The following COL25A1 variants were observed in gnomAD, a reference collection of about 807,000 sequenced individuals.
The protein encoded by COL25A1 is collagen alpha-1(XXV) chain.
Under a neutral mutation model 128.4 loss-of-function variants are expected in COL25A1, and 103 were observed. The observed-to-expected ratio is 0.80, with a 90% CI of 0.68 to 0.94. The LOEUF (loss-of-function observed/expected upper bound fraction) is 0.94. Ranked by LOEUF, COL25A1 falls within the 40% of genes least tolerant of loss-of-function variation. COL25A1 has a pLI of 0.00. For missense variants in COL25A1, 745 were observed against 840.0 expected, an observed-to-expected ratio of 0.89 and a Z score of 1.40; for synonymous variants, 279 against 277.2, an observed-to-expected ratio of 1.01 and a Z score of -0.06.
chr4:109,004,347 A>C (rs1755758497), intron 6 of COL25A1, among the ~76,000 whole-genome samples: 1 of 152,102 alleles, frequency 6.6e-6, no homozygotes, highest in African/African-American at 2.4e-5. Flanking sequence ...AAACCTTAGT[A>C]ATCTGGAAGG....
intron 3 of COL25A1, among the ~76,000 whole-genome samples, chr4:109,171,178 G>A (rs1048045296): frequency 6.6e-6 from 1 of 152,132 alleles, no homozygotes; most frequent in Non-Finnish European, 1.5e-5. Flanking sequence ...GCATCCCAGA[G>A]GCTCCAGCCA....
At chr4:109,274,555 T>A (rs1015737156) in intron 3 of COL25A1, among the ~76,000 whole-genome samples, 1 of 152,088 alleles carries the variant, frequency 6.6e-6, no homozygotes, top group Admixed American at 6.5e-5. Flanking sequence ...TGCCAAAATA[T>A]CCCAAAGAAA....
intron 3 of COL25A1, among the ~76,000 whole-genome samples, chr4:109,052,855 A>C (rs1761116834): frequency 6.6e-6 from 1 of 152,192 alleles, no homozygotes; most frequent in East Asian, 1.9e-4. Context: ...CAATTGTCAC[A>C]AAAGATAGTG....
chr4:108,892,071 A>T (rs1578678025), intron 16 of COL25A1, among the ~76,000 whole-genome samples: 2 of 148,722 alleles, frequency 1.3e-5, no homozygotes, highest in African/African-American at 4.9e-5. Context: ...CTGCTGGAAG[A>T]CAGTCATAAG....
intron 20 of COL25A1, among the ~76,000 whole-genome samples, chr4:108,865,358 T>C (rs537444433): frequency 1.3e-5 from 2 of 152,256 alleles, no homozygotes; most frequent in South Asian, 2.1e-4. Context: ...TGTGGTTTTA[T>C]AGGGGAGGTG....
intron 11 of COL25A1, among the ~76,000 whole-genome samples, chr4:108,933,502 A>G (rs557058609): frequency 2.6e-5 from 4 of 152,324 alleles, no homozygotes; most frequent in African/African-American, 9.6e-5. Flanking sequence ...AAAGCAATAA[A>G]TTACACTCTT....
At chr4:109,276,848 G>A (rs969587112) in intron 3 of COL25A1, among the ~76,000 whole-genome samples, 4 of 151,964 alleles carry the variant, frequency 2.6e-5, no homozygotes, top group East Asian at 1.9e-4. Context: ...TTTCCACTCC[G>A]GGACCCAAGT....
At chr4:109,019,385 T>TATATATATATAA in intron 5 of COL25A1, among the ~76,000 whole-genome samples, 1 of 139,042 alleles carries the variant, frequency 7.2e-6, no homozygotes, top group South Asian at 2.3e-4. Flanking sequence ...CATATATATA[T>TATATATATATAA]ATATATATAT....
intron 3 of COL25A1, among the ~76,000 whole-genome samples, chr4:109,279,087 T>C (rs1037976904): frequency 6.6e-6 from 1 of 151,816 alleles, no homozygotes; most frequent in African/African-American, 2.4e-5. Context: ...ACACTGGAGA[T>C]TCATTTTTAA....
At chr4:109,020,053 A>T (rs1386468898) in intron 5 of COL25A1, among the ~76,000 whole-genome samples, 2 of 151,678 alleles carry the variant, frequency 1.3e-5, no homozygotes, top group Non-Finnish European at 2.9e-5. Context: ...ATAAAGTATC[A>T]ACTAATTTTT....
At chr4:109,239,424 T>A (rs1158534) in intron 3 of COL25A1, among the ~76,000 whole-genome samples, 161 of 106,766 alleles carry the variant, frequency 1.5e-3, no homozygotes, top group African/African-American at 4.6e-3. Context: ...ATATATATAT[T>A]TATTTATTTA....
chr4:109,164,061 T>G (rs564111919), intron 3 of COL25A1, among the ~76,000 whole-genome samples: 9 of 151,958 alleles, frequency 5.9e-5, no homozygotes, highest in Non-Finnish European at 5.9e-5. Flanking sequence ...TTTTAAGAAG[T>G]GCTTATGGAA....
chr4:109,173,439 T>C (rs1363561323), intron 3 of COL25A1, among the ~76,000 whole-genome samples: 1 of 152,154 alleles, frequency 6.6e-6, no homozygotes, highest in East Asian at 1.9e-4. Context: ...GACTGATATA[T>C]TATGGGAAAT....
chr4:108,905,855 G>GC (rs1203593256), intron 13 of COL25A1, among the ~76,000 whole-genome samples: 2 of 151,458 alleles, frequency 1.3e-5, no homozygotes, highest in African/African-American at 2.4e-5. Context: ...TATGTCGGGG[G>GC]GGGGTGCGGG....
intron 3 of COL25A1, among the ~76,000 whole-genome samples, chr4:109,284,837 A>G: frequency 7.2e-6 from 1 of 139,744 alleles, no homozygotes; most frequent in African/African-American, 3.0e-5. Flanking sequence ...TGCCCCACCC[A>G]GGAAAAAAAA....
Position 108,869,135 on chromosome 4 carries a change from T to G in COL25A1, c.1036A>C (p.Ile346Leu). ...LPGIKGEPGFIGPQGEPGLPG... is the reference protein window; with the variant it reads ...LPGIKGEPGFLGPQGEPGLPG... ...AAGCCTGGTTCTCCTTGAGGACCAA[T>G]GAAACCTGGTTCTCCCTTTAAAAAC... The change falls in exon 20 of 38, where the codon ATT (isoleucine) becomes CTT (leucine). Residue 346 changes from isoleucine (I) to leucine (L), a missense_variant. By Grantham distance (5) the Ile-to-Leu change is conservative. Around this residue, in one of 3 missense-constraint regions of COL25A1, gnomAD observed 387 missense variants for 441.9 expected, o/e 0.88. Transcript: ENST00000399132. 1 of 1,542,016 alleles carries G rather than the reference T, an allele frequency of 6.5e-7. No individual in the cohort carries two copies. Among genetic ancestry groups the G allele is most frequent in the Non-Finnish European group, 8.7e-7 (1 of 1,149,506 alleles).
intron 11 of COL25A1, among the ~76,000 whole-genome samples, chr4:108,928,502 T>TTATTTATG (rs879808552): frequency 7.1e-6 from 1 of 141,724 alleles, no homozygotes; most frequent in Admixed American, 7.0e-5. Context: ...ATTTTTAATT[T>TTATTTATG]TATTTATTTA....
intron 5 of COL25A1, among the ~76,000 whole-genome samples, chr4:109,014,058 G>A (rs1196516394): frequency 6.6e-6 from 1 of 152,088 alleles, no homozygotes; most frequent in African/African-American, 2.4e-5. Flanking sequence ...TGTAATTCCA[G>A]CACTTTGGGA....
chr4:109,114,074 GT>G (rs1350089297), intron 3 of COL25A1, among the ~76,000 whole-genome samples: 1 of 152,080 alleles, frequency 6.6e-6, no homozygotes, highest in Non-Finnish European at 1.5e-5. Context: ...AATGATAATA[GT>G]TCTTGAACAA....
Sources: allele counts gnomAD v4.1 joint callset (sites outside exome capture counted in the v4.1 genomes callset), GRCh38; gene constraint gnomAD v4.1.1; regional missense constraint gnomAD v4.1.1; transcripts MANE v1.5; gene names NCBI Gene and HGNC (gene_info 2026-07-23, HGNC 2026-07-21).